RASA2: variants seen among roughly 807,000 people sequenced by gnomAD.
RASA2 encodes the protein RAS p21 protein activator 2, also known as ras GTPase-activating protein 2.
RASA2 carries 155 observed loss-of-function variants against 118.2 expected under a neutral mutation model. That is an observed-to-expected ratio of 1.31 (90% CI 1.15 to 1.50). The LOEUF is 1.50. Among genes scored for constraint, RASA2 ranks in the 40% most tolerant of loss-of-function variants. RASA2 has a pLI of 0.00. For synonymous variants in RASA2, 353 were observed against 349.1 expected (o/e 1.01, Z -0.12); for missense variants, 1,016 against 1,009.6 (o/e 1.01, Z -0.09).
rs1065353 is a variant in RASA2 at position 141,609,992 on chromosome 3, C to T, written c.2445C>T (p.Ser815=). ...TTAAGACAATTCAGCAAATAAAAAG[C>T]ATAATTGAGAAGCTGGATGAACCTC... The part of the protein sequence containing the change: ...TTFKTIQQIK[S]IIEKLDEPHE... Residue 815 remains serine (S), a synonymous_variant, in exon 23 of 24, where the codon AGC becomes AGT. Transcript: ENST00000286364. 60 of 1,605,054 alleles carry T rather than the reference C, an allele frequency of 3.7e-5. No individual in the cohort carries two copies. The highest frequency in any genetic ancestry group is 4.8e-5 in the Non-Finnish European group (57 of 1,175,812).
At chr3:141,557,515 CTA>C (rs1431611825) in intron 7 of RASA2, among the ~76,000 whole-genome samples, 5 of 152,202 alleles carry the variant, frequency 3.3e-5, no homozygotes, top group Admixed American at 2.6e-4. Flanking sequence ...ATAATGGAAA[CTA>C]AGATTAGAAA....
At chr3:141,584,348 AAAAAAAAG>A in intron 17 of RASA2, among the ~76,000 whole-genome samples, 1 of 150,540 alleles carries the variant, frequency 6.6e-6, no homozygotes, top group African/African-American at 2.5e-5. Flanking sequence ...AAAAAAAAAA[AAAAAAAAG>A]AAAGGAAAAA....
At chr3:141,576,081 C>G (rs2083007244) in intron 14 of RASA2, among the ~76,000 whole-genome samples, 1 of 152,142 alleles carries the variant, frequency 6.6e-6, no homozygotes, top group African/African-American at 2.4e-5. Context: ...CCGGCCAACA[C>G]TTTATGTTTT....
intron 5 of RASA2, among the ~76,000 whole-genome samples, chr3:141,545,031 C>G (rs2082463860): frequency 6.6e-6 from 1 of 152,192 alleles, no homozygotes; most frequent in South Asian, 2.1e-4. Flanking sequence ...GGAACAATAA[C>G]TAATGGGTGC....
At chr3:141,504,817 C>G (rs1225676068) in intron 1 of RASA2, among the ~76,000 whole-genome samples, 1 of 152,184 alleles carries the variant, frequency 6.6e-6, no homozygotes, top group Non-Finnish European at 1.5e-5. Flanking sequence ...CTTACTCCAT[C>G]TCTTACTATC....
intron 19 of RASA2, among the ~76,000 whole-genome samples, chr3:141,605,755 ATT>A (rs113917883): frequency 2.9e-5 from 4 of 138,792 alleles, no homozygotes; most frequent in Non-Finnish European, 3.2e-5. Context: ...TTAACTGGTG[ATT>A]TTTTTTTTTT....
At chr3:141,601,819 A>G (rs962673959) in intron 19 of RASA2, among the ~76,000 whole-genome samples, 1 of 152,020 alleles carries the variant, frequency 6.6e-6, no homozygotes, top group Non-Finnish European at 1.5e-5. Flanking sequence ...TATGCTGATA[A>G]ATTGTCTCAT....
At chr3:141,517,046 A>T (rs1208258043) in intron 3 of RASA2, among the ~76,000 whole-genome samples, 1 of 151,722 alleles carries the variant, frequency 6.6e-6, no homozygotes, top group East Asian at 1.9e-4. Context: ...TTAGGATTAC[A>T]GGCATGAGCC....
chr3:141,527,906 A>G (rs2082205844), intron 3 of RASA2, among the ~76,000 whole-genome samples: 1 of 152,008 alleles, frequency 6.6e-6, no homozygotes, highest in Admixed American at 6.5e-5. Flanking sequence ...GAACTAAAAT[A>G]CATTATTTCC....
At chr3:141,603,486 G>A (rs564166915) in intron 19 of RASA2, among the ~76,000 whole-genome samples, 7 of 152,042 alleles carry the variant, frequency 4.6e-5, no homozygotes, top group East Asian at 3.9e-4. Context: ...CAGGAGAATC[G>A]TTTGATCCCA....
chr3:141,586,039 T>G lies in RASA2; in HGVS notation c.1767T>G (p.Ile589Met), dbSNP rs2083196039. ...IIAVKKFLDE[I>M]SSTETKESSG... is the part of the protein sequence containing the mutation. Reference sequence around the variant, plus strand: ...TCCCCATTTAGTTCTTGGATGAAATTTCATCTACTGAAACTAAAGAGTCCA... The same window carrying G: ...TCCCCATTTAGTTCTTGGATGAAATGTCATCTACTGAAACTAAAGAGTCCA... Residue 589 changes from isoleucine (I) to methionine (M), a missense_variant, in exon 18 of 24, where the codon ATT becomes ATG. Ile to Met is a conservative substitution (Grantham distance 10). Coordinates refer to ENST00000286364, the MANE Select transcript of RASA2 (RefSeq NM_006506.5). 3 of 1,609,958 alleles carry G rather than the reference T, an allele frequency of 1.9e-6. No individual in the cohort carries two copies. Among genetic ancestry groups the G allele is most frequent in the Admixed American group, 1.7e-5 (1 of 59,908 alleles).
At chr3:141,559,499 C>G (rs1474480589) in intron 8 of RASA2, among the ~76,000 whole-genome samples, 5 of 151,900 alleles carry the variant, frequency 3.3e-5, no homozygotes, top group Non-Finnish European at 7.4e-5. Flanking sequence ...GTATATTAAT[C>G]ATGTGTTTGG....
intron 1 of RASA2, among the ~76,000 whole-genome samples, chr3:141,504,066 A>G (rs770882139): frequency 6.6e-6 from 1 of 152,176 alleles, no homozygotes; most frequent in African/African-American, 2.4e-5. Context: ...CAGCTGTTTC[A>G]TTATATATTT....
chr3:141,585,590 G>T (rs2083187814), intron 17 of RASA2, among the ~76,000 whole-genome samples: 1 of 152,134 alleles, frequency 6.6e-6, no homozygotes, highest in African/African-American at 2.4e-5. Context: ...CTTGAGGCCA[G>T]GAGTTCAAGA....
intron 1 of RASA2, among the ~76,000 whole-genome samples, chr3:141,500,221 C>T (rs916217019): frequency 2.6e-5 from 4 of 152,084 alleles, no homozygotes; most frequent in Non-Finnish European, 5.9e-5. Flanking sequence ...GACAGTCCCC[C>T]CTCCTTTTTT....
chr3:141,499,984 T>A (rs2081755495), intron 1 of RASA2, among the ~76,000 whole-genome samples: 1 of 152,174 alleles, frequency 6.6e-6, no homozygotes, highest in South Asian at 2.1e-4. Context: ...TGAGGAAAAT[T>A]GCTTGACAAC....
intron 5 of RASA2, among the ~76,000 whole-genome samples, chr3:141,552,934 C>T (rs1487819727): frequency 6.6e-6 from 1 of 152,162 alleles, no homozygotes. Flanking sequence ...AAACTAAACT[C>T]ATAAACTCAG....
intron 1 of RASA2, among the ~76,000 whole-genome samples, chr3:141,506,679 A>G (rs1019826316): frequency 2.0e-5 from 3 of 151,978 alleles, no homozygotes; most frequent in African/African-American, 7.2e-5. Flanking sequence ...TTGGGAGGCC[A>G]AGGCAGGCAG....
At chr3:141,587,150 A>G (rs1249264658) in intron 19 of RASA2, among the ~76,000 whole-genome samples, 1 of 152,222 alleles carries the variant, frequency 6.6e-6, no homozygotes, top group Non-Finnish European at 1.5e-5. Context: ...AATATCAGCC[A>G]AAAATTCCCA....
Sources: allele counts gnomAD v4.1 joint callset (sites outside exome capture counted in the v4.1 genomes callset), GRCh38; gene constraint gnomAD v4.1.1; transcripts MANE v1.5; gene names NCBI Gene and HGNC (gene_info 2026-07-23, HGNC 2026-07-21).